Variants in MEOX2 observed in about 807,000 individuals in gnomAD.
MEOX2 encodes the protein homeobox protein MOX-2.
In MEOX2, 11 loss-of-function variants were observed where a neutral mutation model predicts 27.0. The observed-to-expected ratio is 0.41, with a 90% CI of 0.26 to 0.68. The LOEUF (loss-of-function observed/expected upper bound fraction) is 0.68. Among genes scored for constraint, MEOX2 ranks in the 30% least tolerant of loss-of-function variants. The pLI is 0.33. For synonymous variants in MEOX2, 189 were observed against 155.4 expected, an observed-to-expected ratio of 1.22 and a Z score of -1.61; for missense variants, 436 against 385.4, an observed-to-expected ratio of 1.13 and a Z score of -1.10.
intron 1 of MEOX2, among the ~76,000 whole-genome samples, chr7:15,639,371 G>A (rs1289027001): frequency 6.6e-6 from 1 of 151,918 alleles, no homozygotes; most frequent in African/African-American, 2.4e-5. Context: ...ATATATTCTG[G>A]ATATTAGTCT....
chr7:15,648,772 T>C (rs768319272), intron 1 of MEOX2, among the ~76,000 whole-genome samples: 15 of 152,044 alleles, frequency 9.9e-5, no homozygotes, highest in Non-Finnish European at 1.9e-4. Context: ...CTTCAGAATC[T>C]GAATCAAGGG....
chr7:15,656,370 T>C (rs73679857), intron 1 of MEOX2, among the ~76,000 whole-genome samples: 1 of 151,930 alleles, frequency 6.6e-6, no homozygotes, highest in South Asian at 2.1e-4. Context: ...AATTATTGTA[T>C]GCTAGAGCTT....
intron 1 of MEOX2, among the ~76,000 whole-genome samples, chr7:15,637,702 C>T (rs903068164): frequency 5.9e-5 from 9 of 151,944 alleles, no homozygotes; most frequent in African/African-American, 2.2e-4. Context: ...GTTTACAACT[C>T]TAGTTATTTA....
chr7:15,681,377 G>A (rs1782289364), intron 1 of MEOX2: 1 of 151,670 alleles, frequency 6.6e-6, no homozygotes, highest in Admixed American at 6.6e-5. Flanking sequence ...TCGCAAGCAA[G>A]GCAGCATTAT....
At chr7:15,647,538 G>C (rs975977249) in intron 1 of MEOX2, among the ~76,000 whole-genome samples, 2 of 151,926 alleles carry the variant, frequency 1.3e-5, no homozygotes, top group African/African-American at 4.8e-5. Context: ...TTATGCATTA[G>C]CATAGACATT....
At chr7:15,674,659 T>C (rs1335800990) in intron 1 of MEOX2, among the ~76,000 whole-genome samples, 1 of 152,036 alleles carries the variant, frequency 6.6e-6, no homozygotes, top group Non-Finnish European at 1.5e-5. Flanking sequence ...ATTTTTGATA[T>C]TTAATTCTGT....
chr7:15,645,751 G>C (rs539520792), intron 1 of MEOX2, among the ~76,000 whole-genome samples: 6 of 152,254 alleles, frequency 3.9e-5, no homozygotes, highest in African/African-American at 1.4e-4. Context: ...AAAATATGCA[G>C]AGTGCCTGAC....
chr7:15,663,289 G>A (rs889375503), intron 1 of MEOX2, among the ~76,000 whole-genome samples: 1 of 151,568 alleles, frequency 6.6e-6, no homozygotes, highest in African/African-American at 2.4e-5. Flanking sequence ...AACTCATCTT[G>A]TGGCCAACTG....
chr7:15,654,743 C>T (rs1384765086), intron 1 of MEOX2, among the ~76,000 whole-genome samples: 1 of 151,680 alleles, frequency 6.6e-6, no homozygotes, highest in East Asian at 1.9e-4. Context: ...GTAAACACTA[C>T]TTGATCATAG....
intron 1 of MEOX2, among the ~76,000 whole-genome samples, chr7:15,638,786 C>G (rs1035833533): frequency 6.6e-6 from 1 of 152,118 alleles, no homozygotes; most frequent in Non-Finnish European, 1.5e-5. Context: ...CCAACTCCAT[C>G]TCTACTGCTG....
chr7:15,641,482 A>G (rs1346095316), intron 1 of MEOX2, among the ~76,000 whole-genome samples: 1 of 151,534 alleles, frequency 6.6e-6, no homozygotes, highest in Non-Finnish European at 1.5e-5. Context: ...ATCTTTCTCC[A>G]CTCCTTTACT....
At chr7:15,681,088 G>A (rs2115397763) in intron 1 of MEOX2, 1 of 151,502 alleles carries the variant, frequency 6.6e-6, no homozygotes, top group Admixed American at 6.6e-5. Flanking sequence ...TAATTCAACA[G>A]ATATTATTTA....
intron 1 of MEOX2, chr7:15,680,031 C>T (rs1782267595): frequency 6.6e-6 from 1 of 151,662 alleles, no homozygotes; most frequent in African/African-American, 2.4e-5. Context: ...TAAATGAAAG[C>T]TTCAGGAATA....
chr7:15,615,284 A>C (rs567515176), intron 2 of MEOX2, among the ~76,000 whole-genome samples: 1 of 152,090 alleles, frequency 6.6e-6, no homozygotes, highest in Non-Finnish European at 1.5e-5. Context: ...CTAAGATTAC[A>C]CAGAAAGGAA....
intron 1 of MEOX2, among the ~76,000 whole-genome samples, chr7:15,660,490 G>A (rs929385910): frequency 7.9e-5 from 12 of 152,030 alleles, no homozygotes; most frequent in South Asian, 2.1e-4. Flanking sequence ...TGATGGTGGC[G>A]CACTGTCATT....
intron 2 of MEOX2, among the ~76,000 whole-genome samples, 173 bp downstream of exon 2, chr7:15,626,573 C>T (rs1184302533): frequency 2.0e-5 from 3 of 151,652 alleles, no homozygotes; most frequent in African/African-American, 7.3e-5. Flanking sequence ...TCAAATATCA[C>T]TATATTATTT....
intron 1 of MEOX2, among the ~76,000 whole-genome samples, chr7:15,647,265 T>A (rs921193222): frequency 7.9e-5 from 12 of 152,104 alleles, no homozygotes; most frequent in African/African-American, 2.9e-4. Flanking sequence ...AAATGAGTGT[T>A]GGAAGAACAT....
chr7:15,617,242 T>C (rs1158961283), intron 2 of MEOX2, among the ~76,000 whole-genome samples: 1 of 152,124 alleles, frequency 6.6e-6, no homozygotes, highest in African/African-American at 2.4e-5. Context: ...AGATTTAATA[T>C]TCCAACTGTT....
At chr7:15,675,644 T>A (rs1329058156) in intron 1 of MEOX2, among the ~76,000 whole-genome samples, 4 of 152,346 alleles carry the variant, frequency 2.6e-5, no homozygotes, top group Middle Eastern at 6.8e-3. Context: ...AACTGGGTAG[T>A]GCCTTGAGGC....
Sources: gnomAD v4.1 joint callset for allele counts (sites outside exome capture counted in the v4.1 genomes callset) on GRCh38, gnomAD v4.1.1 for gene constraint, MANE v1.5 for transcripts, NCBI Gene and HGNC (gene_info 2026-07-23, HGNC 2026-07-21) for gene names.